The following SUSD4 variants were observed in gnomAD, a reference collection of about 807,000 sequenced individuals.
The protein encoded by SUSD4 is sushi domain-containing protein 4.
Under a neutral mutation model 50.5 loss-of-function variants are expected in SUSD4, and 41 were observed. That is an observed-to-expected ratio of 0.81 (90% confidence interval 0.63 to 1.05). The LOEUF is 1.05. Among genes scored for constraint, SUSD4 ranks in the 50% least tolerant of loss-of-function variants. The probability of loss-of-function intolerance (pLI) is 0.00; values close to 1 mark genes in which losing one functional copy is unlikely to be tolerated. For synonymous variants in SUSD4, 257 were observed against 257.3 expected, an observed-to-expected ratio of 1.00 and a Z score of 0.01; for missense variants, 580 against 634.7, an observed-to-expected ratio of 0.91 and a Z score of 0.93.
chr1:223,301,130 T>C (rs929604819), intron 2 of SUSD4, among the ~76,000 whole-genome samples: 2 of 152,226 alleles, frequency 1.3e-5, no homozygotes, highest in African/African-American at 4.8e-5. Context: ...CATGATATTA[T>C]ATAAACTCTT....
chr1:223,333,639 T>A (rs542700821), intron 2 of SUSD4, among the ~76,000 whole-genome samples: 4 of 151,942 alleles, frequency 2.6e-5, no homozygotes, highest in Admixed American at 2.0e-4. Flanking sequence ...CAGAGAAAGG[T>A]TAAGTAGGGG....
chr1:223,293,839 C>G (rs1328471394), intron 2 of SUSD4, among the ~76,000 whole-genome samples: 1 of 151,754 alleles, frequency 6.6e-6, no homozygotes, highest in African/African-American at 2.4e-5. Context: ...TGTCCTTACT[C>G]TAAATGCTCC....
At position 223,264,658 on chromosome 1, in the gene SUSD4, G is replaced by A. The variant is rs1662357093; in HGVS notation, c.696C>T (p.Ser232=). 2 of 1,614,156 alleles carry A rather than the reference G, an allele frequency of 1.2e-6. No homozygotes were observed. Among genetic ancestry groups the A allele is most frequent in the Admixed American group, 1.7e-5 (1 of 60,032 alleles). ...CCAGAGCAAGGCACCGGGGTGGGCT[G>A]GACGACCAGATAAGGTTTTGTAAGC... ...LECLQNLIWS[S]SPPRCLALEV... is the part of the protein sequence containing the mutation. The change falls in exon 5 of 9, where the codon TCC becomes TCT. Residue 232 remains serine, a synonymous_variant. Transcript: ENST00000366878.
At chr1:223,333,638 G>A (rs960122162) in intron 2 of SUSD4, among the ~76,000 whole-genome samples, 1 of 152,206 alleles carries the variant, frequency 6.6e-6, no homozygotes, top group Non-Finnish European at 1.5e-5. Flanking sequence ...ACAGAGAAAG[G>A]TTAAGTAGGG....
chr1:223,273,690 A>T (rs1390744577), intron 3 of SUSD4, among the ~76,000 whole-genome samples: 2 of 152,242 alleles, frequency 1.3e-5, no homozygotes, highest in Non-Finnish European at 2.9e-5. Context: ...AGCCATGCCC[A>T]CGTGACTAAG....
At chr1:223,281,508 G>A (rs1372717615) in intron 3 of SUSD4, among the ~76,000 whole-genome samples, 1 of 152,084 alleles carries the variant, frequency 6.6e-6, no homozygotes, top group Non-Finnish European at 1.5e-5. Context: ...TAAATTCCTC[G>A]ACACATACAC....
At chr1:223,264,608 C>T (rs1264221063) in intron 5 of SUSD4, 22 bp downstream of exon 5, 2 of 1,611,630 alleles carry the variant, frequency 1.2e-6, no homozygotes, top group Non-Finnish European at 1.7e-6. Flanking sequence ...AATACAACTT[C>T]CGAAAGAATG....
Position 223,222,116 on chromosome 1 carries a change from C to T in SUSD4, c.*76G>A. Reference sequence around the variant, plus strand: ...TAGACATTTTGCCCCCAGGCTCTATCCTTCTGTGACCTCACTCCAAGATAC... The same window carrying T: ...TAGACATTTTGCCCCCAGGCTCTATTCTTCTGTGACCTCACTCCAAGATAC... On this transcript the variant is annotated 3_prime_UTR_variant, in exon 9 of 9. Coordinates refer to ENST00000366878, the MANE Select transcript of SUSD4 (RefSeq NM_017982.4). 1 of 1,518,230 alleles carries T rather than the reference C, an allele frequency of 6.6e-7. No individual in the cohort carries two copies. Among genetic ancestry groups the T allele is most frequent in the Non-Finnish European group, 9.0e-7 (1 of 1,109,310 alleles). 94.0% of individuals were successfully genotyped at this position (1,518,230 alleles called of 1,614,324 possible).
intron 2 of SUSD4, among the ~76,000 whole-genome samples, chr1:223,301,608 G>A (rs1040493519): frequency 2.1e-4 from 32 of 152,164 alleles, no homozygotes; most frequent in African/African-American, 7.5e-4. Context: ...CACAGGCTGA[G>A]ATCAGCCTTT....
chr1:223,246,510 A>T (rs1275659401), intron 5 of SUSD4, among the ~76,000 whole-genome samples: 1 of 150,724 alleles, frequency 6.6e-6, no homozygotes, highest in Non-Finnish European at 1.5e-5. Context: ...AGACGTTGGC[A>T]GGAGTGGTTC....
At chr1:223,243,054 C>A (rs772557324) in intron 5 of SUSD4, among the ~76,000 whole-genome samples, 6 of 152,084 alleles carry the variant, frequency 3.9e-5, no homozygotes, top group African/African-American at 7.2e-5. Context: ...GGAAAAGTGT[C>A]CCCCTGGCCA....
At chr1:223,318,745 T>C (rs1322680041) in intron 2 of SUSD4, among the ~76,000 whole-genome samples, 1 of 151,376 alleles carries the variant, frequency 6.6e-6, no homozygotes. Context: ...AATTTACAGA[T>C]TCAATGCCAT....
At chr1:223,301,063 G>A (rs1478981088) in intron 2 of SUSD4, among the ~76,000 whole-genome samples, 1 of 152,190 alleles carries the variant, frequency 6.6e-6, no homozygotes, top group African/African-American at 2.4e-5. Context: ...TGTTCTTGCT[G>A]TTGTCTCTAC....
chr1:223,223,331 G>T lies in SUSD4; in HGVS notation c.1362C>A (p.His454Gln). 1 of 1,610,622 alleles carries T rather than the reference G, an allele frequency of 6.2e-7. No homozygotes were observed. The highest frequency in any genetic ancestry group is 8.5e-7 in the Non-Finnish European group (1 of 1,178,554). Residue 454 changes from histidine (H) to glutamine (Q), a missense_variant, in exon 8 of 9, where the codon CAC becomes CAA. Transcript: ENST00000366878. Reference sequence around the variant, plus strand: ...TTATGTCAGGGTTGTCCGAAGCAGGGTGGGTGCTCTCTTGGCACCTGGGAG... The same window carrying T: ...TTATGTCAGGGTTGTCCGAAGCAGGTTGGGTGCTCTCTTGGCACCTGGGAG... ...YSPPRCQEST[H>Q]PASDNPDIIA...
intron 4 of SUSD4, among the ~76,000 whole-genome samples, chr1:223,267,755 G>A (rs746271484): frequency 2.2e-4 from 33 of 151,978 alleles, no homozygotes; most frequent in Non-Finnish European, 3.8e-4. Flanking sequence ...GCTTGAGCAC[G>A]CTGGTGCTTT....
At chr1:223,242,917 T>C (rs1164270508) in intron 5 of SUSD4, among the ~76,000 whole-genome samples, 1 of 152,154 alleles carries the variant, frequency 6.6e-6, no homozygotes, top group Non-Finnish European at 1.5e-5. Flanking sequence ...AGTCCCCAAA[T>C]TCCTCACGTC....
chr1:223,259,276 A>AT (rs536511539), intron 5 of SUSD4, among the ~76,000 whole-genome samples: 2 of 152,266 alleles, frequency 1.3e-5, no homozygotes, highest in South Asian at 2.1e-4. Flanking sequence ...TAAATGTTTG[A>AT]TTGGTCCTTT....
intron 2 of SUSD4, among the ~76,000 whole-genome samples, chr1:223,339,572 A>T (rs1667640913): frequency 6.6e-6 from 1 of 152,182 alleles, no homozygotes; most frequent in Non-Finnish European, 1.5e-5. Flanking sequence ...ATCTGGTGTG[A>T]GACTGAGGGA....
intron 5 of SUSD4, among the ~76,000 whole-genome samples, chr1:223,233,289 TG>T (rs1218195474): frequency 6.6e-6 from 1 of 152,236 alleles, no homozygotes; most frequent in Non-Finnish European, 1.5e-5. Context: ...CCATTAGCTT[TG>T]CTGTAAAGGA....
Sources: gnomAD v4.1 joint callset for allele counts (sites outside exome capture counted in the v4.1 genomes callset) on GRCh38, gnomAD v4.1.1 for gene constraint, MANE v1.5 for transcripts, NCBI Gene and HGNC (gene_info 2026-07-23, HGNC 2026-07-21) for gene names.